The following TXNL4B variants were observed in gnomAD, a reference collection of about 807,000 sequenced individuals.
TXNL4B encodes the protein thioredoxin like 4B, also known as thioredoxin-like protein 4B.
A neutral mutation model predicts 13.0 loss-of-function variants in TXNL4B; 12 were observed. The observed-to-expected ratio is 0.92, with a 90% CI of 0.59 to 1.49. The LOEUF (loss-of-function observed/expected upper bound fraction) is 1.49. Ranked by LOEUF, TXNL4B falls within the 40% of genes most tolerant of loss-of-function variation. The probability of loss-of-function intolerance (pLI) is 0.00; values close to 1 mark genes in which losing one functional copy is unlikely to be tolerated. For synonymous variants in TXNL4B, 59 were observed against 58.9 expected, an observed-to-expected ratio of 1.00 and a Z score of -0.01; for missense variants, 214 against 173.6, an observed-to-expected ratio of 1.23 and a Z score of -1.31.
At chr16:72,087,326 TTG>T (rs71391437) in intron 3 of TXNL4B, 7,605 of 141,790 alleles carry the variant, frequency 0.054, 272 homozygotes, top group African/African-American at 0.11. Flanking sequence ...CCTTCCAATC[TTG>T]TGTGTGTGTG....
intron 1 of TXNL4B, among the ~76,000 whole-genome samples, chr16:72,093,159 G>C (rs1026172139): frequency 4.6e-5 from 7 of 152,148 alleles, no homozygotes; most frequent in African/African-American, 1.7e-4. Flanking sequence ...AAAAAAGCTT[G>C]AACTCACTTT....
At position 72,090,734 on chromosome 16, in the gene TXNL4B, GCAGTAGGAAGCT is replaced by G; in HGVS notation, c.4_15del (p.Ser2_Leu5del). ...ACTTCCTTTTTGCTAGTCAGCTTGG[GCAGTAGGAAGCT>G]CATCTTGAAATAACCCAAATGTGAA... On this transcript the variant is annotated inframe_deletion, in exon 2 of 4. Transcript: ENST00000268483. 6.2e-7 allele frequency: 1 copy of G among 1,614,066 alleles called. No homozygotes were observed. The highest frequency in any genetic ancestry group is 8.5e-7 in the Non-Finnish European group (1 of 1,180,014).
In TXNL4B at chr16:72,091,257, G is replaced by A. The variant is rs545821329; in HGVS notation, c.-37-471C>T. ...TGCTGTACCCATCCCTAGGCCATGG[G>A]AGGAAGAAGCCACGGTAGGAAGCAG... On this transcript the variant is annotated intron_variant, in intron 1 of 3. Coordinates refer to ENST00000268483, the MANE Select transcript of TXNL4B (RefSeq NM_017853.3). 2.0e-5 allele frequency among the ~76,000 whole-genome samples: 3 copies of A among 149,814 alleles called. No homozygotes were observed. In the East Asian group the frequency reaches 5.8e-4, roughly 29 times the overall value.
intron 1 of TXNL4B, among the ~76,000 whole-genome samples, chr16:72,091,332 G>A (rs1597431523): frequency 2.1e-5 from 3 of 146,032 alleles, no homozygotes; most frequent in Admixed American, 2.0e-4. Context: ...ACAGTGTATA[G>A]GAGGGCAGCC....
intron 2 of TXNL4B, among the ~76,000 whole-genome samples, chr16:72,089,903 T>A (rs1218641135): frequency 6.6e-6 from 1 of 152,196 alleles, no homozygotes; most frequent in Non-Finnish European, 1.5e-5. Context: ...GTCACACAGC[T>A]CCTGAGCAGT....
chr16:72,088,898 C>T, intron 3 of TXNL4B, 89 bp downstream of exon 3: 1 of 1,018,150 alleles, frequency 9.8e-7, no homozygotes, highest in Non-Finnish European at 1.5e-6. Context: ...CTCACAGAGC[C>T]AACATCACAT....
At chr16:72,092,490 C>G (rs888044292) in intron 1 of TXNL4B, among the ~76,000 whole-genome samples, 1 of 151,896 alleles carries the variant, frequency 6.6e-6, no homozygotes, top group Non-Finnish European at 1.5e-5. Context: ...ATAGGTCATA[C>G]TTTAAACAGG....
chr16:72,090,092 G>C (rs1258853784), intron 2 of TXNL4B: 1 of 455,988 alleles, frequency 2.2e-6, no homozygotes, highest in Non-Finnish European at 4.4e-6. Context: ...CTCTTACACG[G>C]GATGGTAGCA....
chr16:72,088,649 C>G (rs2041857971), intron 3 of TXNL4B, among the ~76,000 whole-genome samples: 2 of 152,146 alleles, frequency 1.3e-5, no homozygotes, highest in Non-Finnish European at 2.9e-5. Context: ...TTTAAGAGTT[C>G]TTTATTTAGC....
chr16:72,091,379 C>A (rs2041902476), intron 1 of TXNL4B, among the ~76,000 whole-genome samples: 1 of 152,136 alleles, frequency 6.6e-6, no homozygotes, highest in Admixed American at 6.5e-5. Context: ...CTCCCTCCCT[C>A]TGACCTTTGC....
In TXNL4B at chr16:72,086,528, T is replaced by G; in HGVS notation, c.*109A>C. 9.4e-7 allele frequency: 1 copy of G among 1,067,718 alleles called. No individual in the cohort carries two copies. Among genetic ancestry groups the G allele is most frequent in the South Asian group, 1.9e-5 (1 of 53,808 alleles). 66.1% of individuals were successfully genotyped at this position (1,067,718 alleles called of 1,614,324 possible). On this transcript the variant is annotated 3_prime_UTR_variant, in exon 4 of 4. Coordinates refer to ENST00000268483, the MANE Select transcript of TXNL4B (RefSeq NM_017853.3). ...TTTTCTACACGCAAGTCAAACCTCT[T>G]CTCCTCTGGGACACATGTTTCCAAA...
chr16:72,087,592 C>T (rs971323438), intron 3 of TXNL4B: 5 of 151,914 alleles, frequency 3.3e-5, no homozygotes, highest in African/African-American at 1.2e-4. Flanking sequence ...AAAGGTTGTA[C>T]CAAATTAATA....
intron 1 of TXNL4B, among the ~76,000 whole-genome samples, chr16:72,091,438 G>A (rs917443333): frequency 1.3e-5 from 2 of 152,222 alleles, no homozygotes; most frequent in Non-Finnish European, 2.9e-5. Context: ...GCAGGGGCCT[G>A]TTGAGGCAGG....
chr16:72,086,633 T>C lies in TXNL4B; in HGVS notation c.*4A>G, dbSNP rs760800584. On this transcript the variant is annotated 3_prime_UTR_variant, in exon 4 of 4. Coordinates refer to ENST00000268483, the MANE Select transcript of TXNL4B (RefSeq NM_017853.3). ...CTTCTTCATCTTTGACAGCAATTAA[T>C]GTACTAAATGTCTTGATAGAGAAGG... 9 of 1,608,208 alleles carry C rather than the reference T, an allele frequency of 5.6e-6. No homozygotes were observed. Among genetic ancestry groups the C allele is most frequent in the South Asian group, 2.2e-5 (2 of 90,668 alleles).
Position 72,086,665 on chromosome 16 carries a change from T to C in TXNL4B, c.422A>G (p.Lys141Arg), listed in dbSNP as rs2041827463. 6.2e-7 allele frequency: 1 copy of C among 1,613,726 alleles called. No homozygotes were observed. Among genetic ancestry groups the C allele is most frequent in the African/African-American group, 1.3e-5 (1 of 74,940 alleles). ...QSPIDPKNIPKYDLLYQDI is the reference protein window; with the variant it reads ...QSPIDPKNIPRYDLLYQDI ...AATGTCTTGATAGAGAAGGTCATAT[T>C]TGGGAATATTCTTGGGATCAATAGG... Residue 141 changes from lysine to arginine, a missense_variant, in exon 4 of 4, where the codon AAA becomes AGA. Physicochemically the swap from Lys to Arg is conservative, Grantham distance 26 (BLOSUM62 2). Transcript: ENST00000268483.
At position 72,086,726 on chromosome 16, in the gene TXNL4B, G is replaced by C. The variant is rs773021440; in HGVS notation, c.361C>G (p.Arg121Gly). 2.5e-5 allele frequency: 41 copies of C among 1,613,630 alleles called. No homozygotes were observed. Among genetic ancestry groups the C allele is most frequent in the Non-Finnish European group, 3.4e-5 (40 of 1,179,572 alleles). Reference sequence around the variant, plus strand: ...ATAAGCTTCCCCCTCATTGCTCCTCGATAGATTACTTCAATCAAATCTATG... The same window carrying C: ...ATAAGCTTCCCCCTCATTGCTCCTCCATAGATTACTTCAATCAAATCTATG... ...DFIDLIEVIY[R>G]GAMRGKLIVQ... Residue 121 changes from arginine to glycine, a missense_variant, in exon 4 of 4, where the codon CGA becomes GGA. By Grantham distance (125) the Arg-to-Gly change is moderately radical (BLOSUM62 -2). Transcript: ENST00000268483.
At chr16:72,093,764 A>G (rs2041960491), upstream of TXNL4B, 1 of 152,166 alleles carries the variant, frequency 6.6e-6, no homozygotes, top group South Asian at 2.1e-4. Flanking sequence ...TTAGGCTAAG[A>G]GTGATTGGTC....
chr16:72,090,037 T>A (rs939784266), intron 2 of TXNL4B: 7 of 454,616 alleles, frequency 1.5e-5, no homozygotes, highest in African/African-American at 1.4e-4. Context: ...AGCTAACACA[T>A]CACACCCTCA....
intron 1 of TXNL4B, among the ~76,000 whole-genome samples, chr16:72,092,433 G>C (rs191302849): frequency 6.8e-6 from 1 of 146,252 alleles, no homozygotes; most frequent in Non-Finnish European, 1.5e-5. Context: ...AAAAAAAAAA[G>C]GAATTATTTA....
Sources: gnomAD v4.1 joint callset for allele counts (sites outside exome capture counted in the v4.1 genomes callset) on GRCh38, gnomAD v4.1.1 for gene constraint, MANE v1.5 for transcripts, NCBI Gene and HGNC (gene_info 2026-07-23, HGNC 2026-07-21) for gene names.